The following WNT3A variants were observed in gnomAD, a reference collection of about 807,000 sequenced individuals.
WNT3A encodes Wnt family member 3A.
Under a neutral mutation model 37.0 loss-of-function variants are expected in WNT3A, and 17 were observed. The ratio of observed to expected loss-of-function variants is 0.46; its 90% CI spans 0.31 to 0.69. The LOEUF (loss-of-function observed/expected upper bound fraction) is 0.69, where lower values mean the gene tolerates loss of function less well. Among genes scored for constraint, WNT3A ranks in the 30% least tolerant of loss-of-function variants. The pLI is 0.05. For missense variants in WNT3A, 411 were observed against 510.2 expected, an observed-to-expected ratio of 0.81 and a Z score of 1.87; for synonymous variants, 187 against 211.0, an observed-to-expected ratio of 0.89 and a Z score of 0.99.
chr1:228,050,887 C>G lies in WNT3A; in HGVS notation c.545C>G (p.Ala182Gly). The G allele has an allele frequency of 6.4e-7, 1 of 1,555,958 alleles. No individual in the cohort carries two copies. The highest frequency in any genetic ancestry group is 1.2e-5 in the South Asian group (1 of 85,246). Reference protein sequence around the residue: ...ARENRPDARSAMNRHNNEAGR... With the variant: ...ARENRPDARSGMNRHNNEAGR... The stretch of plus-strand genomic sequence containing the variant: ...GAGAACCGGCCAGATGCCCGCTCAG[C>G]CATGAACCGCCACAACAACGAGGCT... Residue 182 changes from alanine (A) to glycine (G), a missense_variant, in exon 3 of 4, where the codon GCC becomes GGC. Physicochemically the swap from Ala to Gly is moderately conservative, Grantham distance 60. Coordinates refer to ENST00000284523, the MANE Select transcript of WNT3A (RefSeq NM_033131.4). This position sits in a 1 kb window ranked among gnomAD's most constrained non-coding sequence, Gnocchi z 5.0.
At chr1:228,043,047 C>T (rs1320655545) in intron 2 of WNT3A, among the ~76,000 whole-genome samples, 1 of 148,050 alleles carries the variant, frequency 6.8e-6, no homozygotes, top group African/African-American at 2.6e-5. Context: ...GGATGATGCA[C>T]GATAGATGAA....
At position 228,031,439 on chromosome 1, in the gene WNT3A, C is replaced by T. The variant is rs756734499; in HGVS notation, c.313+8531C>T. Among the ~76,000 whole-genome samples the T allele has an allele frequency of 1.3e-5, 2 of 152,118 alleles. No homozygotes were observed. The highest frequency in any genetic ancestry group is 2.9e-5 in the Non-Finnish European group (2 of 68,008). On this transcript the variant is annotated intron_variant, in intron 2 of 3. Coordinates refer to ENST00000284523, the MANE Select transcript of WNT3A (RefSeq NM_033131.4). This position sits in a 1 kb window ranked among gnomAD's most constrained non-coding sequence, Gnocchi z 4.8. The stretch of plus-strand genomic sequence containing the variant: ...CCCTGGAGATAGCTGCCAGGGTGCA[C>T]AGGAGTCAGGTCCCAGGGCCGTGCA...
chr1:228,050,706 T>TTTGCAGTGACACGCTCA lies in WNT3A; in HGVS notation c.366_382dup (p.Cys128LeufsTer3). 1 of 1,613,816 alleles carries TTTGCAGTGACACGCTCA rather than the reference T, an allele frequency of 6.2e-7. No individual in the cohort carries two copies. Among genetic ancestry groups the TTTGCAGTGACACGCTCA allele is most frequent in the Non-Finnish European group, 8.5e-7 (1 of 1,179,840 alleles). ...CGCCATTGCCTCAGCCGGTGTGGCC[T>TTTGCAGTGACACGCTCA]TTGCAGTGACACGCTCATGTGCAGA... On this transcript the variant is annotated frameshift_variant, in exon 3 of 4. Coordinates refer to ENST00000284523, the MANE Select transcript of WNT3A (RefSeq NM_033131.4). LOFTEE classifies it high-confidence loss of function. This position sits in a 1 kb window ranked among gnomAD's most constrained non-coding sequence, Gnocchi z 5.0.
intron 2 of WNT3A, among the ~76,000 whole-genome samples, chr1:228,035,767 C>G (rs1274635259): frequency 6.6e-6 from 1 of 152,148 alleles, no homozygotes; most frequent in Non-Finnish European, 1.5e-5. Context: ...GCCGGCCTCT[C>G]TGCAAAGGGC....
At chr1:228,036,397 A>G (rs1049889876) in intron 2 of WNT3A, among the ~76,000 whole-genome samples, 1 of 151,880 alleles carries the variant, frequency 6.6e-6, no homozygotes, top group African/African-American at 2.4e-5. Context: ...GTGTGTGTGC[A>G]TGAGTGTGAA....
Position 228,059,768 on chromosome 1 carries a change from C to A in WNT3A, c.*303C>A. ...GCTCCCCTGGACAGAGGCGGGGCTA[C>A]AGATTGGGCGGGGCTTCTCTTGGGT... is the stretch of plus-strand genomic sequence containing the variant. On this transcript the variant is annotated 3_prime_UTR_variant, in exon 4 of 4. Transcript: ENST00000284523. 1 of 1,202,946 alleles carries A rather than the reference C, an allele frequency of 8.3e-7. No individual in the cohort carries two copies. The highest frequency in any genetic ancestry group is 1.0e-6 in the Non-Finnish European group (1 of 967,526). 74.5% of individuals were successfully genotyped at this position (1,202,946 alleles called of 1,614,324 possible). A position where few individuals can be genotyped will look rare whatever the true frequency, so the allele number is the denominator to read the frequency against.
intron 2 of WNT3A, among the ~76,000 whole-genome samples, chr1:228,030,256 G>T (rs112069582): frequency 1.3e-5 from 2 of 151,626 alleles, no homozygotes; most frequent in Non-Finnish European, 2.9e-5. Flanking sequence ...ATTAGCCAAG[G>T]GGGGTGGTGG....
chr1:228,051,494 G>A (rs986645997), intron 3 of WNT3A, among the ~76,000 whole-genome samples: 6 of 152,152 alleles, frequency 3.9e-5, no homozygotes, highest in Non-Finnish European at 7.3e-5. Context: ...AAATACCTTA[G>A]ACTGGATAAT....
At chr1:228,017,385 C>T (rs1382187890) in intron 1 of WNT3A, among the ~76,000 whole-genome samples, 2 of 152,064 alleles carry the variant, frequency 1.3e-5, no homozygotes, top group African/African-American at 2.4e-5. Context: ...GTGGAGAGGC[C>T]GCAGGAGGAG....
chr1:228,027,893 T>G (rs1250396477), intron 2 of WNT3A, among the ~76,000 whole-genome samples: 1 of 152,212 alleles, frequency 6.6e-6, no homozygotes, highest in African/African-American at 2.4e-5. Context: ...CTTCTAGAAT[T>G]TTTATAGTTT....
intron 3 of WNT3A, among the ~76,000 whole-genome samples, chr1:228,055,787 C>A (rs773061434): frequency 5.9e-5 from 9 of 152,152 alleles, no homozygotes; most frequent in Non-Finnish European, 1.3e-4. Flanking sequence ...TTTCAGGGTA[C>A]TTTATAGCCC....
intron 2 of WNT3A, among the ~76,000 whole-genome samples, chr1:228,049,757 G>A (rs981930851): frequency 3.3e-5 from 5 of 152,212 alleles, no homozygotes; most frequent in African/African-American, 9.6e-5. Context: ...GGGTGATGTC[G>A]ACCATCTTTC....
chr1:228,014,527 C>T (rs1356616779), intron 1 of WNT3A, among the ~76,000 whole-genome samples: 1 of 152,260 alleles, frequency 6.6e-6, no homozygotes, highest in Non-Finnish European at 1.5e-5. Context: ...CTCAGAAGGA[C>T]TTGCACAGGA....
chr1:228,035,012 C>T (rs151033832), intron 2 of WNT3A, among the ~76,000 whole-genome samples: 3 of 152,240 alleles, frequency 2.0e-5, no homozygotes, highest in East Asian at 1.9e-4. Flanking sequence ...CAAATGTACA[C>T]AGTCGGTCCC....
chr1:228,038,673 T>C lies in WNT3A; in HGVS notation c.314-11983T>C, dbSNP rs915654415. Among the ~76,000 whole-genome samples, 5 of 152,084 alleles carry C rather than the reference T, an allele frequency of 3.3e-5. No individual in the cohort carries two copies. The highest frequency in any genetic ancestry group is 7.4e-5 in the Non-Finnish European group (5 of 67,996). The stretch of plus-strand genomic sequence containing the variant: ...TCGGGGTGGCCACTGTCCCCACAAC[T>C]CTATGGGTCCCAGGTATGTGGTGGG... On this transcript the variant is annotated intron_variant, in intron 2 of 3. Coordinates refer to ENST00000284523, the MANE Select transcript of WNT3A (RefSeq NM_033131.4). The surrounding 1 kb of genome is among the most constrained non-coding windows in gnomAD (Gnocchi z 5.7).
intron 2 of WNT3A, among the ~76,000 whole-genome samples, chr1:228,029,930 T>C (rs2030958379): frequency 6.6e-6 from 1 of 151,654 alleles, no homozygotes; most frequent in South Asian, 2.1e-4. Flanking sequence ...CAAGACCCCA[T>C]CTCTGCAAAA....
rs74143615 is a variant in WNT3A at position 228,023,045 on chromosome 1, C to T, written c.313+137C>T. The stretch of plus-strand genomic sequence containing the variant: ...GGACGCTGGGGTCCTTCCCGCTTAC[C>T]TCCAGGAGGACGGTCTGGGGCTGAA... On this transcript the variant is annotated intron_variant, in intron 2 of 3. Transcript: ENST00000284523. 9.3e-3 allele frequency: 12,749 copies of T among 1,372,968 alleles called. 111 individuals are homozygous for T. The highest frequency in any genetic ancestry group is 0.031 in the African/African-American group (2,124 of 69,474). The allele number at this position is 1,372,968 out of a possible 1,614,324, so 85.0% of individuals were successfully genotyped here.
At chr1:228,057,074 A>G (rs915881218) in intron 3 of WNT3A, among the ~76,000 whole-genome samples, 2 of 152,266 alleles carry the variant, frequency 1.3e-5, no homozygotes, top group African/African-American at 4.8e-5. Flanking sequence ...TGAAGAGAAT[A>G]TGTAGATAAG....
intron 3 of WNT3A, among the ~76,000 whole-genome samples, chr1:228,054,224 A>G (rs550185435): frequency 5.9e-5 from 9 of 152,190 alleles, no homozygotes; most frequent in Non-Finnish European, 8.8e-5. Context: ...GGTAATCCCA[A>G]ATTGCTGGTA....
Sources: gnomAD v4.1 joint callset for allele counts (sites outside exome capture counted in the v4.1 genomes callset) on GRCh38, gnomAD v4.1.1 for gene constraint, Gnocchi (gnomAD v3.1) non-coding constraint, MANE v1.5 for transcripts, NCBI Gene and HGNC (gene_info 2026-07-23, HGNC 2026-07-21) for gene names.